Variants in HUNK observed in about 807,000 individuals in gnomAD.
HUNK encodes hormonally up-regulated Neu-associated kinase.
A neutral mutation model predicts 61.0 loss-of-function variants in HUNK; 21 were observed. The ratio of observed to expected loss-of-function variants is 0.34; its 90% CI spans 0.24 to 0.50. The LOEUF (loss-of-function observed/expected upper bound fraction) is 0.50. Ranked by LOEUF, HUNK falls within the 20% of genes least tolerant of loss-of-function variation. The pLI, the probability that HUNK is intolerant of heterozygous loss-of-function variation, is 0.98. For missense variants in HUNK, 772 were observed against 945.7 expected, an observed-to-expected ratio of 0.82 and a Z score of 2.41; for synonymous variants, 371 against 386.1, an observed-to-expected ratio of 0.96 and a Z score of 0.46.
Position 32,001,923 on chromosome 21 carries a change from A to G in HUNK, c.*2739A>G, listed in dbSNP as rs924666531. ...TCCATTTTAATTGTATGATTTGGTC[A>G]TAAGTAAGGACTATATTTATGTCAC... On this transcript the variant is annotated 3_prime_UTR_variant, in exon 11 of 11. Coordinates refer to ENST00000270112, the MANE Select transcript of HUNK (RefSeq NM_014586.2). The G allele has an allele frequency of 6.6e-6, 1 of 152,634 alleles. No homozygotes were observed. Among genetic ancestry groups the G allele is most frequent in the Non-Finnish European group, 1.5e-5 (1 of 68,042 alleles). 9.5% of individuals were successfully genotyped at this position (152,634 alleles called of 1,614,324 possible).
intron 4 of HUNK, among the ~76,000 whole-genome samples, chr21:31,946,462 C>A (rs752354348): frequency 1.7e-4 from 26 of 152,286 alleles, no homozygotes; most frequent in Non-Finnish European, 3.4e-4. Flanking sequence ...ATGCCCCATC[C>A]TCCTGCCCTT....
chr21:31,904,452 A>G (rs1203335771), intron 1 of HUNK, among the ~76,000 whole-genome samples: 1 of 152,226 alleles, frequency 6.6e-6, no homozygotes, highest in African/African-American at 2.4e-5. Flanking sequence ...GATGTCTCCA[A>G]AGATGCCAGC....
chr21:31,905,456 G>A (rs562626318), intron 1 of HUNK, among the ~76,000 whole-genome samples: 1 of 152,244 alleles, frequency 6.6e-6, no homozygotes, highest in Non-Finnish European at 1.5e-5. Context: ...AGAGCAAAAT[G>A]TATTGAAAAA....
intron 4 of HUNK, among the ~76,000 whole-genome samples, chr21:31,949,163 A>C (rs531030493): frequency 6.6e-6 from 1 of 152,322 alleles, no homozygotes; most frequent in South Asian, 2.1e-4. Flanking sequence ...GTTACTTTGC[A>C]GGTGTGGTCT....
chr21:31,940,845 T>G (rs1338467238), intron 3 of HUNK, among the ~76,000 whole-genome samples: 1 of 152,260 alleles, frequency 6.6e-6, no homozygotes, highest in Non-Finnish European at 1.5e-5. Flanking sequence ...ATTCAGGGCA[T>G]CATTTTTATA....
rs80302584 is a variant in HUNK at position 32,000,714 on chromosome 21, G to C, written c.*1530G>C. ...TTGCAAAGCCAGCCTTTATTTCCCT[G>C]GCAGGCAGCCTTGCCAGAAGGCAGA... On this transcript the variant is annotated 3_prime_UTR_variant, in exon 11 of 11. Coordinates refer to ENST00000270112, the MANE Select transcript of HUNK (RefSeq NM_014586.2). 12,435 of 398,682 alleles carry C rather than the reference G, an allele frequency of 0.031. 270 individuals carry two copies. Among genetic ancestry groups the C allele is most frequent in the Middle Eastern group, 0.072 (115 of 1,588 alleles). 24.7% of individuals were successfully genotyped at this position (398,682 alleles called of 1,614,324 possible).
At chr21:31,882,371 T>C (rs111384891) in intron 1 of HUNK, among the ~76,000 whole-genome samples, 2 of 152,300 alleles carry the variant, frequency 1.3e-5, no homozygotes, top group African/African-American at 4.8e-5. Context: ...TCTGAGAGGG[T>C]TTGCAGTGAG....
chr21:31,874,983 G>A (rs558115761), intron 1 of HUNK, among the ~76,000 whole-genome samples: 1 of 152,292 alleles, frequency 6.6e-6, no homozygotes, highest in South Asian at 2.1e-4. Flanking sequence ...GCCAATCCAG[G>A]CTGGAGCTGT....
At chr21:31,895,875 A>G (rs183151592) in intron 1 of HUNK, among the ~76,000 whole-genome samples, 10 of 152,310 alleles carry the variant, frequency 6.6e-5, no homozygotes, top group Non-Finnish European at 7.4e-5. Flanking sequence ...ATGACCCCCA[A>G]CCACAAATTC....
At chr21:31,988,088 G>A (rs1031137708) in intron 8 of HUNK, among the ~76,000 whole-genome samples, 2 of 152,204 alleles carry the variant, frequency 1.3e-5, no homozygotes, top group Admixed American at 6.5e-5. Context: ...TGGGGTAACC[G>A]TGCAGTGATT....
At chr21:31,953,032 A>G (rs9636602) in intron 4 of HUNK, among the ~76,000 whole-genome samples, 15,037 of 152,082 alleles carry the variant, frequency 0.099, 779 homozygotes, top group South Asian at 0.17. Context: ...TACTAATTCT[A>G]TGGGATTACA....
At chr21:31,963,921 A>G (rs1310625403) in intron 5 of HUNK, among the ~76,000 whole-genome samples, 4 of 152,222 alleles carry the variant, frequency 2.6e-5, no homozygotes, top group Non-Finnish European at 5.9e-5. Flanking sequence ...TCCACAGAAC[A>G]TGCTTCCAAA....
chr21:31,984,677 G>T (rs1334590190), intron 8 of HUNK, among the ~76,000 whole-genome samples: 1 of 152,206 alleles, frequency 6.6e-6, no homozygotes, highest in African/African-American at 2.4e-5. Context: ...GGCCAGGAGT[G>T]GGGTGCAGCC....
Position 31,998,855 on chromosome 21 carries a change from G to A in HUNK, c.1816G>A (p.Gly606Arg), listed in dbSNP as rs539652834. ...GACGCTGTCCCCGGGTCTGCCATCC[G>A]GAAGCATGTCGCCTCTCCATACTCC... is the stretch of plus-strand genomic sequence containing the variant. ...ERTLSPGLPS[G>R]SMSPLHTPLH... The change falls in exon 11 of 11, where the codon GGA (glycine) becomes AGA (arginine). Residue 606 changes from glycine (G) to arginine (R), a missense_variant. Around this residue, in one of 2 missense-constraint regions of HUNK, gnomAD observed 413 missense variants for 444.4 expected, o/e 0.93. Transcript: ENST00000270112. 64 of 1,614,042 alleles carry A rather than the reference G, an allele frequency of 4.0e-5. No individual in the cohort carries two copies. The highest frequency in any genetic ancestry group is 1.1e-4 in the East Asian group (5 of 44,882).
chr21:31,976,459 C>CTTTTTT lies in HUNK; in HGVS notation c.1173+1761_1173+1766dup, dbSNP rs34950116. On this transcript the variant is annotated intron_variant, in intron 7 of 10. Transcript: ENST00000270112. ...CTCTTGTTTTAATTGTTTTTTGAGA[C>CTTTTTT]TTTTTTTTTTTTTTTTTTTTTTTTG... is the stretch of plus-strand genomic sequence containing the variant. Among the ~76,000 whole-genome samples the CTTTTTT allele has an allele frequency of 1.6e-3, 101 of 63,614 alleles. 2 individuals are homozygous for CTTTTTT. Among genetic ancestry groups the CTTTTTT allele is most frequent in the Admixed American group, 2.2e-3 (9 of 4,106 alleles). 41.7% of individuals were successfully genotyped at this position (63,614 alleles called of 152,430 possible).
chr21:31,999,978 G>A lies in HUNK; in HGVS notation c.*794G>A. 2.5e-6 allele frequency: 1 copy of A among 396,478 alleles called. No homozygotes were observed. Among genetic ancestry groups the A allele is most frequent in the Non-Finnish European group, 4.4e-6 (1 of 225,222 alleles). 24.6% of individuals were successfully genotyped at this position (396,478 alleles called of 1,614,324 possible). A position where few individuals can be genotyped will look rare whatever the true frequency, so the allele number is the denominator to read the frequency against. On this transcript the variant is annotated 3_prime_UTR_variant, in exon 11 of 11. Coordinates refer to ENST00000270112, the MANE Select transcript of HUNK (RefSeq NM_014586.2). Reference sequence around the variant, plus strand: ...CCACCAAACTCATGTTTTCACAGGAGGGTTCAGTGTGGAGAGCAAAAAAGC... The same window carrying A: ...CCACCAAACTCATGTTTTCACAGGAAGGTTCAGTGTGGAGAGCAAAAAAGC...
chr21:31,893,343 T>C (rs189204202), intron 1 of HUNK, among the ~76,000 whole-genome samples: 8 of 152,246 alleles, frequency 5.3e-5, no homozygotes, highest in Admixed American at 5.2e-4. Flanking sequence ...CTGGAGCAAC[T>C]CTTTTCCCGA....
intron 4 of HUNK, among the ~76,000 whole-genome samples, chr21:31,950,048 G>T (rs1328253181): frequency 2.0e-5 from 3 of 152,208 alleles, no homozygotes; most frequent in African/African-American, 7.2e-5. Flanking sequence ...GACCTACGTG[G>T]TTTGCCCTAG....
At chr21:31,996,736 A>G (rs978394566) in intron 10 of HUNK, among the ~76,000 whole-genome samples, 1 of 152,212 alleles carries the variant, frequency 6.6e-6, no homozygotes, top group Non-Finnish European at 1.5e-5. Context: ...GACCAGGTTC[A>G]GAGAGGGCCG....
Sources: allele counts gnomAD v4.1 joint callset (sites outside exome capture counted in the v4.1 genomes callset), GRCh38; gene constraint gnomAD v4.1.1; regional missense constraint gnomAD v4.1.1; transcripts MANE v1.5; gene names NCBI Gene and HGNC (gene_info 2026-07-23, HGNC 2026-07-21).